The following GRID1 variants were observed in gnomAD, a reference collection of about 807,000 sequenced individuals.
GRID1 encodes glutamate receptor ionotropic, delta-1.
Under a neutral mutation model 98.0 loss-of-function variants are expected in GRID1, and 28 were observed. The ratio of observed to expected loss-of-function variants is 0.29; its 90% confidence interval spans 0.21 to 0.39. The LOEUF is 0.39. Ranked by LOEUF, GRID1 falls within the 10% of genes least tolerant of loss-of-function variation. The probability of loss-of-function intolerance (pLI) is 1.00; values close to 1 mark genes in which losing one functional copy is unlikely to be tolerated. For synonymous variants in GRID1, 553 were observed against 538.5 expected (o/e 1.03, Z -0.37); for missense variants, 1,111 against 1,340.5 (o/e 0.83, Z 2.67).
chr10:85,648,808 G>A (rs1461200143), intron 12 of GRID1, among the ~76,000 whole-genome samples: 1 of 152,106 alleles, frequency 6.6e-6, no homozygotes, highest in Non-Finnish European at 1.5e-5. Flanking sequence ...GCCTCCCTGT[G>A]CCCTCTCCAC....
At chr10:86,286,922 C>A (rs1255391059) in intron 2 of GRID1, among the ~76,000 whole-genome samples, 1 of 152,256 alleles carries the variant, frequency 6.6e-6, no homozygotes, top group Non-Finnish European at 1.5e-5. Context: ...ATGACCACCA[C>A]TGCCTGGGCA....
intron 8 of GRID1, among the ~76,000 whole-genome samples, chr10:85,748,828 C>T (rs1842021501): frequency 6.6e-6 from 1 of 152,128 alleles, no homozygotes; most frequent in African/African-American, 2.4e-5. Context: ...ATACAACCTT[C>T]CATCCCAAAA....
chr10:85,828,295 G>C (rs1028625420), intron 8 of GRID1, among the ~76,000 whole-genome samples: 1 of 151,894 alleles, frequency 6.6e-6, no homozygotes, highest in Non-Finnish European at 1.5e-5. Context: ...TAAAGCAGTG[G>C]TAAGAGGAAA....
chr10:86,352,570 T>A (rs1848477911), intron 2 of GRID1, among the ~76,000 whole-genome samples: 1 of 152,004 alleles, frequency 6.6e-6, no homozygotes, highest in African/African-American at 2.4e-5. Flanking sequence ...CTCTCCGGTG[T>A]CTCTTCTTAT....
At chr10:85,650,955 T>G (rs1188661193) in intron 12 of GRID1, among the ~76,000 whole-genome samples, 1 of 152,148 alleles carries the variant, frequency 6.6e-6, no homozygotes, top group Non-Finnish European at 1.5e-5. Context: ...CAAAGTGTGA[T>G]CCTCAGAGCT....
chr10:86,360,617 A>T (rs1375205413), intron 2 of GRID1, among the ~76,000 whole-genome samples: 2 of 152,216 alleles, frequency 1.3e-5, no homozygotes, highest in Non-Finnish European at 2.9e-5. Context: ...CGGCCTCAAG[A>T]GAAGCTGAGA....
intron 13 of GRID1, among the ~76,000 whole-genome samples, chr10:85,622,155 A>T (rs1842865272): frequency 6.6e-6 from 1 of 152,064 alleles, no homozygotes; most frequent in Non-Finnish European, 1.5e-5. Flanking sequence ...GGCATTTGTG[A>T]CTCAGTTTGG....
At chr10:85,815,520 C>T (rs1398468212) in intron 8 of GRID1, among the ~76,000 whole-genome samples, 1 of 151,982 alleles carries the variant, frequency 6.6e-6, no homozygotes, top group Non-Finnish European at 1.5e-5. Context: ...TTAAAATCTA[C>T]TAGTAAGTAG....
At chr10:85,798,233 T>A (rs1160373300) in intron 8 of GRID1, among the ~76,000 whole-genome samples, 2 of 152,230 alleles carry the variant, frequency 1.3e-5, no homozygotes, top group African/African-American at 4.8e-5. Context: ...ATATCTGCTA[T>A]GTCTTCTTTG....
chr10:85,950,313 G>A (rs962228601), intron 4 of GRID1, among the ~76,000 whole-genome samples: 2 of 152,158 alleles, frequency 1.3e-5, no homozygotes, highest in Non-Finnish European at 2.9e-5. Flanking sequence ...ACATGGTTCC[G>A]GAAATGGAGT....
intron 5 of GRID1, among the ~76,000 whole-genome samples, chr10:85,871,495 TAAG>T (rs1347733161): frequency 6.6e-6 from 1 of 152,232 alleles, no homozygotes; most frequent in Non-Finnish European, 1.5e-5. Flanking sequence ...TCACTCTTTC[TAAG>T]AAGGGACTAA....
chr10:85,604,027 C>G (rs991616497), intron 15 of GRID1, among the ~76,000 whole-genome samples: 17 of 152,274 alleles, frequency 1.1e-4, no homozygotes, highest in Admixed American at 2.0e-4. Flanking sequence ...GAGAGGATTT[C>G]CACCCCCAGA....
In GRID1 at chr10:86,192,651, G is replaced by A. The variant is rs531946610; in HGVS notation, c.520+13713C>T. On this transcript the variant is annotated intron_variant, in intron 3 of 15. Transcript: ENST00000327946. The surrounding 1 kb of genome is among the most constrained non-coding windows in gnomAD (Gnocchi z 4.8). ...TGACTGTACTTAACACCATTGAACT[G>A]TGCGTGAAAATGGTTAACATGGTAA... Among the ~76,000 whole-genome samples the A allele has an allele frequency of 6.6e-6, 1 of 152,158 alleles. No homozygotes were observed. The highest frequency in any genetic ancestry group is 1.5e-5 in the Non-Finnish European group (1 of 67,954).
At chr10:86,121,995 C>T (rs1345038047) in intron 4 of GRID1, among the ~76,000 whole-genome samples, 1 of 152,182 alleles carries the variant, frequency 6.6e-6, no homozygotes, top group Non-Finnish European at 1.5e-5. Context: ...AAATACAACC[C>T]TGCAGGGCCT....
At chr10:86,175,220 A>G (rs1008107666) in intron 3 of GRID1, among the ~76,000 whole-genome samples, 17 of 152,148 alleles carry the variant, frequency 1.1e-4, no homozygotes, top group Non-Finnish European at 2.4e-4. Flanking sequence ...TACAGGGAGT[A>G]GCCGCAGATA....
At chr10:86,133,958 C>T (rs1844877109) in intron 4 of GRID1, among the ~76,000 whole-genome samples, 1 of 152,172 alleles carries the variant, frequency 6.6e-6, no homozygotes, top group Non-Finnish European at 1.5e-5. Flanking sequence ...TCCACTCTTT[C>T]CAGTGGAACA....
chr10:85,842,007 G>A (rs1842965422), intron 8 of GRID1, among the ~76,000 whole-genome samples: 2 of 151,890 alleles, frequency 1.3e-5, no homozygotes, highest in African/African-American at 4.8e-5. Flanking sequence ...TTGTCCTATT[G>A]TAAAAACACA....
intron 12 of GRID1, among the ~76,000 whole-genome samples, chr10:85,678,409 G>A (rs909839354): frequency 6.6e-6 from 1 of 152,166 alleles, no homozygotes; most frequent in Non-Finnish European, 1.5e-5. Flanking sequence ...GCTCTGGGCT[G>A]TGGTTCTCTT....
At chr10:86,099,474 G>A (rs541934801) in intron 4 of GRID1, among the ~76,000 whole-genome samples, 2 of 152,052 alleles carry the variant, frequency 1.3e-5, no homozygotes, top group South Asian at 2.1e-4. Flanking sequence ...ACAAGGCACC[G>A]AGAAGCCACG....
Sources: allele counts gnomAD v4.1 joint callset (sites outside exome capture counted in the v4.1 genomes callset), GRCh38; gene constraint gnomAD v4.1.1; non-coding constraint Gnocchi (gnomAD v3.1); transcripts MANE v1.5; gene names NCBI Gene and HGNC (gene_info 2026-07-23, HGNC 2026-07-21).